Variants in WWOX observed in about 807,000 individuals in gnomAD.
WWOX encodes the protein WW domain containing oxidoreductase.
WWOX carries 69 observed loss-of-function variants against 46.2 expected under a neutral mutation model. The observed-to-expected ratio is 1.49, with a 90% CI of 1.23 to 1.82. The LOEUF (loss-of-function observed/expected upper bound fraction) is 1.82. Ranked by LOEUF, WWOX falls within the 40% of genes most tolerant of loss-of-function variation. The pLI is 0.00. For missense variants in WWOX, 919 were observed against 542.6 expected (o/e 1.69, Z -6.89); for synonymous variants, 359 against 202.6 (o/e 1.77, Z -6.56).
intron 8 of WWOX, among the ~76,000 whole-genome samples, chr16:79,099,491 T>C (rs2049146227): frequency 6.6e-6 from 1 of 152,132 alleles, no homozygotes; most frequent in Non-Finnish European, 1.5e-5. Context: ...ACTGTTGTCA[T>C]ATGAGGATAC....
chr16:78,895,498 T>C (rs2044681791), intron 8 of WWOX: 1 of 152,282 alleles, frequency 6.6e-6, no homozygotes, highest in African/African-American at 2.4e-5. Context: ...TGTGTTTTTC[T>C]ATTCCACCAG....
At chr16:79,105,009 C>T (rs2150640860) in intron 8 of WWOX, among the ~76,000 whole-genome samples, 2 of 152,264 alleles carry the variant, frequency 1.3e-5, no homozygotes, top group Middle Eastern at 6.8e-3. Flanking sequence ...GGAAGGCAGT[C>T]TCCGGTCAGC....
intron 8 of WWOX, among the ~76,000 whole-genome samples, chr16:78,563,504 C>G (rs1389645024): frequency 1.4e-5 from 2 of 140,336 alleles, no homozygotes; most frequent in Non-Finnish European, 3.0e-5. Flanking sequence ...CACACACACA[C>G]ACACACACAC....
intron 8 of WWOX, among the ~76,000 whole-genome samples, chr16:78,990,991 C>T (rs1043985430): frequency 6.6e-6 from 1 of 152,206 alleles, no homozygotes; most frequent in Admixed American, 6.5e-5. Flanking sequence ...GCAAGGACAG[C>T]CTGTTTGGAT....
chr16:78,354,507 G>A (rs572266816), intron 5 of WWOX, among the ~76,000 whole-genome samples: 1 of 152,050 alleles, frequency 6.6e-6, no homozygotes, highest in Admixed American at 6.6e-5. Flanking sequence ...GTATAAACTG[G>A]CAATTACAAC....
intron 8 of WWOX, among the ~76,000 whole-genome samples, chr16:79,076,418 CT>C (rs1283834558): frequency 1.3e-5 from 2 of 152,156 alleles, no homozygotes; most frequent in East Asian, 3.8e-4. Context: ...TTTTCTGAAG[CT>C]ATTGTGAATC....
intron 8 of WWOX, among the ~76,000 whole-genome samples, chr16:79,053,731 G>T (rs924157116): frequency 1.3e-5 from 2 of 152,184 alleles, no homozygotes; most frequent in African/African-American, 4.8e-5. Context: ...TTTAGAGGAT[G>T]CAGGCTTGGG....
chr16:78,146,829 C>T (rs749964816), intron 4 of WWOX, among the ~76,000 whole-genome samples: 6 of 152,144 alleles, frequency 3.9e-5, no homozygotes, highest in Non-Finnish European at 8.8e-5. Flanking sequence ...TGTTTTGTTC[C>T]GTGCATCCTG....
rs376071860 is a variant in WWOX, at chr16:79,051,468, C to G, written c.1057-160140C>G. Among the ~76,000 whole-genome samples, 5 of 151,914 alleles carry G rather than the reference C, an allele frequency of 3.3e-5. No individual in the cohort carries two copies. In the East Asian group the frequency reaches 9.7e-4, roughly 30 times the overall value. On this transcript the variant is annotated intron_variant, in intron 8 of 8. Coordinates refer to ENST00000566780, the MANE Select transcript of WWOX (RefSeq NM_016373.4). ...GACCAACGAAGACCTTTTGAGGTTG[C>G]CACATTCTCCAGGCCACTAACACTT...
At chr16:78,263,231 G>T (rs2079284976) in intron 5 of WWOX, among the ~76,000 whole-genome samples, 2 of 152,186 alleles carry the variant, frequency 1.3e-5, no homozygotes, top group African/African-American at 4.8e-5. Context: ...TCCTCTCAAA[G>T]AAATAAATAC....
chr16:78,689,864 T>G (rs59300418), intron 8 of WWOX, among the ~76,000 whole-genome samples: 2,306 of 152,232 alleles, frequency 0.015, 54 homozygotes, highest in African/African-American at 0.052. Flanking sequence ...TTTGTTTTTT[T>G]TGTGTGTTTT....
intron 8 of WWOX, among the ~76,000 whole-genome samples, chr16:78,732,139 C>A (rs1046193439): frequency 6.6e-6 from 1 of 152,136 alleles, no homozygotes; most frequent in Non-Finnish European, 1.5e-5. Flanking sequence ...GCTGGGATTA[C>A]AGGTGTGAGC....
chr16:78,332,511 A>G (rs1163503494), intron 5 of WWOX, among the ~76,000 whole-genome samples: 2 of 152,188 alleles, frequency 1.3e-5, no homozygotes, highest in African/African-American at 4.8e-5. Flanking sequence ...TTTTGGGTAC[A>G]TGCTATAAGG....
chr16:78,868,790 G>T (rs1472443496), intron 8 of WWOX, among the ~76,000 whole-genome samples: 1 of 152,150 alleles, frequency 6.6e-6, no homozygotes, highest in Non-Finnish European at 1.5e-5. Context: ...CTCAGATAAT[G>T]ACCATTAATA....
At chr16:78,488,509 A>G (rs1441178986) in intron 8 of WWOX, among the ~76,000 whole-genome samples, 3 of 151,964 alleles carry the variant, frequency 2.0e-5, no homozygotes, top group Admixed American at 2.0e-4. Context: ...TTTCAACTGG[A>G]TTTACCATTG....
chr16:79,079,201 T>A (rs2048715213), intron 8 of WWOX, among the ~76,000 whole-genome samples: 1 of 152,214 alleles, frequency 6.6e-6, no homozygotes, highest in African/African-American at 2.4e-5. Context: ...CCACCTTTAT[T>A]TTTAGCATCC....
At chr16:78,913,880 C>A (rs555691650) in intron 8 of WWOX, among the ~76,000 whole-genome samples, 1 of 151,920 alleles carries the variant, frequency 6.6e-6, no homozygotes, top group African/African-American at 2.4e-5. Flanking sequence ...AGGCTGGTCT[C>A]AAAGTCCTGG....
intron 8 of WWOX, among the ~76,000 whole-genome samples, chr16:78,491,880 C>G (rs1389063879): frequency 3.3e-5 from 5 of 152,200 alleles, no homozygotes; most frequent in Non-Finnish European, 7.3e-5. Flanking sequence ...TTGCCGTTCC[C>G]TTGCCTTCTA....
chr16:79,093,196 G>C (rs2048999990), intron 8 of WWOX, among the ~76,000 whole-genome samples: 1 of 152,134 alleles, frequency 6.6e-6, no homozygotes, highest in Admixed American at 6.6e-5. Context: ...ACATCTATCA[G>C]AAAAACAAAA....
Sources: gnomAD v4.1 joint callset for allele counts (sites outside exome capture counted in the v4.1 genomes callset) on GRCh38, gnomAD v4.1.1 for gene constraint, MANE v1.5 for transcripts, NCBI Gene and HGNC (gene_info 2026-07-23, HGNC 2026-07-21) for gene names.